CACNA1A: variants seen among roughly 807,000 people sequenced by gnomAD.
CACNA1A encodes voltage-dependent P/Q-type calcium channel subunit alpha-1A.
CACNA1A carries 57 observed loss-of-function variants against 262.4 expected under a neutral mutation model. The observed-to-expected ratio is 0.22, with a 90% CI of 0.18 to 0.27. The LOEUF (loss-of-function observed/expected upper bound fraction) is 0.27. CACNA1A is among the 10% of genes least tolerant of loss of function. The probability of loss-of-function intolerance (pLI) is 1.00; values close to 1 mark genes in which losing one functional copy is unlikely to be tolerated. For missense variants in CACNA1A, 2,526 were observed against 3,562.8 expected (o/e 0.71, Z 7.41); for synonymous variants, 1,431 against 1,419.3 (o/e 1.01, Z -0.18).
At chr19:13,228,975 A>T in intron 36 of CACNA1A, 1 of 366,400 alleles carries the variant, frequency 2.7e-6, no homozygotes, top group Non-Finnish European at 5.0e-6. Flanking sequence ...GGGGTGTAGG[A>T]TGTCAGTCGA....
intron 30 of CACNA1A, 185 bp from the exon 31 acceptor site, chr19:13,245,450 A>G: frequency 1.7e-6 from 1 of 601,140 alleles, no homozygotes; most frequent in East Asian, 2.9e-5. Flanking sequence ...CCTCCCTGGG[A>G]ACTCCTGGGG....
intron 24 of CACNA1A, among the ~76,000 whole-genome samples, chr19:13,263,768 A>T (rs2056796898): frequency 2.6e-5 from 4 of 151,014 alleles, no homozygotes; most frequent in Non-Finnish European, 5.9e-5. Flanking sequence ...TGATCCACCC[A>T]CCTTGGCCTC....
chr19:13,451,859 T>G (rs1238684594), intron 3 of CACNA1A: 2 of 101,024 alleles, frequency 2.0e-5, no homozygotes, highest in African/African-American at 5.8e-5. Flanking sequence ...TATTTTGGAC[T>G]TTTTTTTTTC....
intron 3 of CACNA1A, among the ~76,000 whole-genome samples, chr19:13,426,348 G>A (rs769056649): frequency 5.9e-5 from 9 of 152,046 alleles, no homozygotes; most frequent in East Asian, 1.9e-4. Flanking sequence ...AAGTGGGGGC[G>A]TTTCTACCCT....
At chr19:13,419,152 G>A (rs1017265423) in intron 3 of CACNA1A, among the ~76,000 whole-genome samples, 29 of 152,106 alleles carry the variant, frequency 1.9e-4, no homozygotes, top group Non-Finnish European at 4.0e-4. Flanking sequence ...TTACAGGCGT[G>A]AGCCACCGTG....
At position 13,298,588 on chromosome 19, in the gene CACNA1A, C is replaced by T. The variant is rs1400869068; in HGVS notation, c.3045G>A (p.Gly1015=). ...HRHGAPATYE[G]DARREDKERR... is the part of the protein sequence containing the mutation. ...GCTCCTTGTCCTCCCTCCGCGCGTCCCCCTCGTACGTGGCTGGAGCGCCAT... is the reference window on the plus strand; with the variant it reads ...GCTCCTTGTCCTCCCTCCGCGCGTCTCCCTCGTACGTGGCTGGAGCGCCAT... The change falls in exon 19 of 47, where the codon GGG becomes GGA. Residue 1015 remains glycine, a synonymous_variant. Coordinates refer to ENST00000360228, the MANE Select transcript of CACNA1A (RefSeq NM_001127222.2). 1.0e-5 allele frequency: 16 copies of T among 1,542,070 alleles called. No individual in the cohort carries two copies. In the Admixed American group the frequency reaches 1.6e-4, roughly 15 times the overall value.
chr19:13,314,674 C>A (rs184129135), intron 11 of CACNA1A, among the ~76,000 whole-genome samples: 1 of 152,154 alleles, frequency 6.6e-6, no homozygotes, highest in South Asian at 2.1e-4. Flanking sequence ...CTGTTCTTAT[C>A]AAATTACCCA....
chr19:13,311,266 A>T (rs4567864), intron 12 of CACNA1A, among the ~76,000 whole-genome samples: 70,128 of 151,846 alleles, frequency 0.46, 16,953 homozygotes, highest in East Asian at 0.82. Context: ...ATTATTATTA[A>T]TTTTTGTAGA....
chr19:13,310,963 G>GT, intron 12 of CACNA1A, among the ~76,000 whole-genome samples: 1 of 152,076 alleles, frequency 6.6e-6, no homozygotes, highest in South Asian at 2.1e-4. Flanking sequence ...GCTAATTTTT[G>GT]TATTTTTTTA....
At chr19:13,381,868 G>C (rs541032641) in intron 3 of CACNA1A, among the ~76,000 whole-genome samples, 45 of 152,320 alleles carry the variant, frequency 3.0e-4, no homozygotes, top group African/African-American at 1.1e-3. Context: ...GATGGTGCAG[G>C]GCTTTGTGGG....
rs554475432 is a variant in CACNA1A, at chr19:13,395,436, C to T, written c.540-23657G>A. On this transcript the variant is annotated intron_variant, in intron 3 of 46. Transcript: ENST00000360228. ...GACCAGCCTGGCCAACATGGTGAAA[C>T]CCTGTCTCTACTAAAAAATACAAAA... Among the ~76,000 whole-genome samples the T allele has an allele frequency of 6.7e-5, 10 of 150,298 alleles. 1 individual carries two copies. Among genetic ancestry groups the T allele is most frequent in the African/African-American group, 2.2e-4 (9 of 40,916 alleles).
intron 1 of CACNA1A, among the ~76,000 whole-genome samples, chr19:13,469,605 C>G (rs1327146802): frequency 6.7e-6 from 1 of 149,490 alleles, no homozygotes; most frequent in African/African-American, 2.5e-5. Context: ...CCCGCCACCA[C>G]GCCTGGCTAA....
intron 3 of CACNA1A, among the ~76,000 whole-genome samples, chr19:13,407,028 A>T (rs1038511745): frequency 1.3e-5 from 2 of 152,110 alleles, no homozygotes; most frequent in African/African-American, 4.8e-5. Flanking sequence ...TGTTTCCTGT[A>T]TAAACCCTAT....
intron 1 of CACNA1A, among the ~76,000 whole-genome samples, chr19:13,470,363 C>T (rs970270382): frequency 1.3e-5 from 2 of 152,248 alleles, no homozygotes; most frequent in African/African-American, 2.4e-5. Flanking sequence ...CCCAGGCTGC[C>T]AAATCCCAGG....
At position 13,362,063 on chromosome 19, in the gene CACNA1A, C is replaced by T. The variant is rs1213514575; in HGVS notation, c.785-2264G>A. The T allele has an allele frequency of 4.1e-5, 6 of 147,270 alleles. No homozygotes were observed. The East Asian group carries it at 1.2e-3, about 30-fold the overall frequency. 9.1% of individuals were successfully genotyped at this position (147,270 alleles called of 1,614,324 possible). A position where few individuals can be genotyped will look rare whatever the true frequency, so the allele number is the denominator to read the frequency against. ...TTTGAGACAGGGTCTCACTTTGTCA[C>T]CCAGGCTGGAGTGCGGGCACCATCA... On this transcript the variant is annotated intron_variant, in intron 5 of 46. Transcript: ENST00000360228.
intron 22 of CACNA1A, among the ~76,000 whole-genome samples, chr19:13,279,725 T>C (rs1456457559): frequency 6.6e-6 from 1 of 152,140 alleles, no homozygotes; most frequent in Non-Finnish European, 1.5e-5. Flanking sequence ...CCTCACGTGA[T>C]CTACCCACCT....
intron 6 of CACNA1A, among the ~76,000 whole-genome samples, chr19:13,345,365 C>G (rs1354507021): frequency 6.6e-6 from 1 of 152,092 alleles, no homozygotes; most frequent in Non-Finnish European, 1.5e-5. Context: ...CCACTTCACC[C>G]CTTCTCCGTA....
intron 5 of CACNA1A, chr19:13,362,996 A>G (rs2059137735): frequency 6.6e-6 from 1 of 152,194 alleles, no homozygotes. Flanking sequence ...GAATTCGGTT[A>G]TAAATACATT....
chr19:13,409,534 TAAG>T (rs374858386), intron 3 of CACNA1A, among the ~76,000 whole-genome samples: 3 of 152,102 alleles, frequency 2.0e-5, no homozygotes, highest in South Asian at 4.2e-4. Context: ...CAAATAATAA[TAAG>T]AAGAAGAAGA....
Sources: gnomAD v4.1 joint callset for allele counts (sites outside exome capture counted in the v4.1 genomes callset) on GRCh38, gnomAD v4.1.1 for gene constraint, MANE v1.5 for transcripts, NCBI Gene and HGNC (gene_info 2026-07-23, HGNC 2026-07-21) for gene names.